Variants in MED15 observed in about 807,000 individuals in gnomAD.
MED15 encodes the protein mediator of RNA polymerase II transcription subunit 15.
A neutral mutation model predicts 118.7 loss-of-function variants in MED15; 41 were observed. That is an observed-to-expected ratio of 0.35 (90% CI 0.27 to 0.45). The LOEUF is 0.45. MED15 is among the 20% of genes least tolerant of loss of function. The pLI, the probability that MED15 is intolerant of heterozygous loss-of-function variation, is 1.00. For missense variants in MED15, 740 were observed against 1,025.5 expected, an observed-to-expected ratio of 0.72 and a Z score of 3.80; for synonymous variants, 436 against 413.9, an observed-to-expected ratio of 1.05 and a Z score of -0.65.
rs1048627862 is a variant in MED15 at position 20,546,962 on chromosome 22, T to C, written c.157-4474T>C. 2.0e-5 allele frequency among the ~76,000 whole-genome samples: 3 copies of C among 152,318 alleles called. No individual in the cohort carries two copies. The East Asian group carries it at 5.8e-4, about 29-fold the overall frequency. On this transcript the variant is annotated intron_variant, in intron 2 of 17. Transcript: ENST00000263205. ...GTGAACAGAACTAAGAAAAAACATG[T>C]TTTTGAAATAACAGCAACAACAAAA...
chr22:20,573,361 A>G (rs1350504620), intron 8 of MED15, among the ~76,000 whole-genome samples: 2 of 152,216 alleles, frequency 1.3e-5, no homozygotes, highest in Admixed American at 6.5e-5. Flanking sequence ...ACAAGTCACA[A>G]AGAATTATCC....
At chr22:20,518,785 C>A in intron 1 of MED15, 1 of 434,148 alleles carries the variant, frequency 2.3e-6, no homozygotes, top group Non-Finnish European at 4.6e-6. Context: ...CTAAACCGTT[C>A]TGAACTTCTC....
chr22:20,509,553 G>C (rs552199616), intron 1 of MED15, among the ~76,000 whole-genome samples: 5 of 150,538 alleles, frequency 3.3e-5, no homozygotes, highest in South Asian at 2.1e-4. Context: ...GGGGAACGTA[G>C]ACAATTCTTG....
intron 7 of MED15, 127 bp from the exon 8 acceptor site, chr22:20,568,394 C>T (rs1192883263): frequency 7.2e-6 from 10 of 1,385,684 alleles, no homozygotes; most frequent in African/African-American, 1.4e-5. Context: ...CATCACAGCA[C>T]ATGAGGTCAT....
In MED15 at chr22:20,582,674, C is replaced by A; in HGVS notation, c.1336C>A (p.Gln446Lys). ...PSPGQQVQTPQSMPPPPQPSP... is the reference protein window; with the variant it reads ...PSPGQQVQTPKSMPPPPQPSP... The stretch of plus-strand genomic sequence containing the variant: ...ACCGGGCCAGCAGGTGCAGACCCCG[C>A]AGTCGATGCCCCCTCCCCCCCAGCC... The change falls in exon 10 of 18, where the codon CAG (glutamine) becomes AAG (lysine). Residue 446 changes from glutamine to lysine, a missense_variant. Gln to Lys is a moderately conservative substitution (Grantham distance 53, BLOSUM62 1). Coordinates refer to ENST00000263205, the MANE Select transcript of MED15 (RefSeq NM_001003891.3). The A allele has an allele frequency of 4.4e-6, 7 of 1,596,762 alleles. No individual in the cohort carries two copies. The highest frequency in any genetic ancestry group is 5.1e-6 in the Non-Finnish European group (6 of 1,177,906).
At chr22:20,558,292 C>T (rs149616804) in intron 5 of MED15, among the ~76,000 whole-genome samples, 1 of 152,142 alleles carries the variant, frequency 6.6e-6, no homozygotes, top group East Asian at 1.9e-4. Context: ...ATGATTAAGG[C>T]CCTTTCAGAT....
At chr22:20,554,767 C>T in intron 4 of MED15, 169 bp from the exon 5 acceptor site, 1 of 628,842 alleles carries the variant, frequency 1.6e-6, no homozygotes, top group East Asian at 2.8e-5. Context: ...GGCGTCCTAG[C>T]CATTCATATT....
chr22:20,543,768 G>T (rs185059904), intron 2 of MED15, among the ~76,000 whole-genome samples: 12 of 151,850 alleles, frequency 7.9e-5, no homozygotes, highest in Admixed American at 4.6e-4. Context: ...ATGTTGGCCA[G>T]GCTGGTCTTG....
intron 6 of MED15, 121 bp from the exon 7 acceptor site, chr22:20,566,346 G>T (rs905142276): frequency 7.2e-6 from 11 of 1,524,010 alleles, no homozygotes; most frequent in Middle Eastern, 2.4e-4. Flanking sequence ...AGCCAGGAAG[G>T]CTTTCTTGAT....
At chr22:20,584,588 G>A in intron 14 of MED15, 163 bp downstream of exon 14, 3 of 913,758 alleles carry the variant, frequency 3.3e-6, no homozygotes, top group Non-Finnish European at 5.0e-6. Flanking sequence ...GTGCTGGGTG[G>A]GAACATGGGA....
chr22:20,556,722 A>G (rs986526178), intron 5 of MED15, among the ~76,000 whole-genome samples: 6 of 152,172 alleles, frequency 3.9e-5, no homozygotes, highest in Non-Finnish European at 8.8e-5. Context: ...GAGCCGTTCC[A>G]TTACCACCAA....
At chr22:20,570,338 G>A (rs908832235) in intron 8 of MED15, among the ~76,000 whole-genome samples, 10 of 151,534 alleles carry the variant, frequency 6.6e-5, no homozygotes, top group South Asian at 6.2e-4. Flanking sequence ...CTTCTGTACC[G>A]CAGGTCAAGC....
In MED15 at chr22:20,587,328, C is replaced by CA. The variant is rs2057163981; in HGVS notation, c.*625dup. ...TGAGCACCGTGGGGCACCCAGGGAG[C>CA]AGGGGCGTCAGGGATCCTGCTGCCG... On this transcript the variant is annotated 3_prime_UTR_variant, in exon 18 of 18. Transcript: ENST00000263205. 6.4e-6 allele frequency: 1 copy of CA among 157,138 alleles called. No individual in the cohort carries two copies. The highest frequency in any genetic ancestry group is 6.1e-5 in the Admixed American group (1 of 16,462). 9.7% of individuals were successfully genotyped at this position (157,138 alleles called of 1,614,324 possible).
chr22:20,537,488 T>C (rs1468804339), intron 2 of MED15, among the ~76,000 whole-genome samples: 4 of 152,174 alleles, frequency 2.6e-5, no homozygotes, highest in African/African-American at 7.2e-5. Flanking sequence ...GGAAGCTTGC[T>C]CAGGCCCCTA....
At chr22:20,538,323 T>A (rs1194605720) in intron 2 of MED15, among the ~76,000 whole-genome samples, 1 of 151,900 alleles carries the variant, frequency 6.6e-6, no homozygotes. Flanking sequence ...GATCTCAGCC[T>A]GCTGCAGCCT....
intron 13 of MED15, chr22:20,583,820 G>A (rs1266138656): frequency 2.1e-5 from 5 of 234,610 alleles, no homozygotes; most frequent in South Asian, 6.8e-5. Context: ...ATGAAACAAG[G>A]TGGCGCTGGT....
At chr22:20,519,357 C>G (rs2054366324) in intron 1 of MED15, among the ~76,000 whole-genome samples, 2 of 152,018 alleles carry the variant, frequency 1.3e-5, no homozygotes, top group Non-Finnish European at 2.9e-5. Context: ...GGTACAATAA[C>G]TCTGTTATTT....
intron 1 of MED15, among the ~76,000 whole-genome samples, chr22:20,515,722 G>T (rs941023937): frequency 6.6e-6 from 1 of 151,784 alleles, no homozygotes; most frequent in African/African-American, 2.4e-5. Context: ...GGAGGCAGAG[G>T]TTGCAATGAG....
At chr22:20,534,959 A>G (rs1321535750) in intron 1 of MED15, among the ~76,000 whole-genome samples, 1 of 152,104 alleles carries the variant, frequency 6.6e-6, no homozygotes, top group East Asian at 1.9e-4. Flanking sequence ...GCAGACAGGG[A>G]GGTAGGAACT....
Sources: allele counts gnomAD v4.1 joint callset (sites outside exome capture counted in the v4.1 genomes callset), GRCh38; gene constraint gnomAD v4.1.1; transcripts MANE v1.5; gene names NCBI Gene and HGNC (gene_info 2026-07-23, HGNC 2026-07-21).